ARHGEF18: variants seen among roughly 807,000 people sequenced by gnomAD.
ARHGEF18 encodes Rho/Rac guanine nucleotide exchange factor 18.
ARHGEF18 carries 93 observed loss-of-function variants against 155.7 expected under a neutral mutation model. The observed-to-expected ratio is 0.60, with a 90% confidence interval of 0.50 to 0.71. The LOEUF (loss-of-function observed/expected upper bound fraction) is 0.71. Ranked by LOEUF, ARHGEF18 falls within the 30% of genes least tolerant of loss-of-function variation. ARHGEF18 has a pLI of 0.00. For missense variants in ARHGEF18, 1,593 were observed against 1,816.1 expected (o/e 0.88, Z 2.23); for synonymous variants, 742 against 753.1 (o/e 0.99, Z 0.24).
intron 3 of ARHGEF18, among the ~76,000 whole-genome samples, chr19:7,375,350 AAGAAAAGGAAGG>A (rs1167453528): frequency 2.8e-5 from 4 of 143,288 alleles, no homozygotes; most frequent in Non-Finnish European, 5.9e-5. Flanking sequence ...AAGAAAAAGA[AAGAAAAGGAAGG>A]AAGGAAGGAA....
In ARHGEF18 at chr19:7,467,593, T is replaced by C. The variant is rs1600550959; in HGVS notation, c.3389T>C (p.Val1130Ala). 1.3e-6 allele frequency: 2 copies of C among 1,506,450 alleles called. No individual in the cohort carries two copies. The highest frequency in any genetic ancestry group is 2.6e-5 in the East Asian group (1 of 38,086). The allele number at this position is 1,506,450 out of a possible 1,614,324, so 93.3% of individuals were successfully genotyped here. ...CGGCTGCGCGAGGCCCAGCGTGCCG[T>C]GGAGCGCGAGCGGGAGCGCCTGGAG... ...LERLREAQRAVERERERLELL... is the reference protein window; with the variant it reads ...LERLREAQRAAERERERLELL... Residue 1130 changes from valine (V) to alanine (A), a missense_variant, in exon 26 of 29, where the codon GTG becomes GCG. Coordinates refer to ENST00000668164, the MANE Select transcript of ARHGEF18 (RefSeq NM_001367823.1).
At chr19:7,413,156 G>C (rs771254780) in intron 10 of ARHGEF18, among the ~76,000 whole-genome samples, 5 of 152,096 alleles carry the variant, frequency 3.3e-5, no homozygotes, top group Non-Finnish European at 7.4e-5. Flanking sequence ...TATGGGCTGG[G>C]TATGGTGGCT....
chr19:7,381,010 T>A lies in ARHGEF18; in HGVS notation c.722+16T>A. On this transcript the variant is annotated intron_variant, in intron 8 of 28. Transcript: ENST00000668164. ...TCCTGTCGGAGTAAGTACACAGATCTGCTTCTGGGGAGGGCAGCCTTGGAT... is the reference window on the plus strand; with the variant it reads ...TCCTGTCGGAGTAAGTACACAGATCAGCTTCTGGGGAGGGCAGCCTTGGAT... 8.1e-7 allele frequency: 1 copy of A among 1,231,886 alleles called. No individual in the cohort carries two copies. Among genetic ancestry groups the A allele is most frequent in the Non-Finnish European group, 1.0e-6 (1 of 987,740 alleles). The allele number at this position is 1,231,886 out of a possible 1,614,324, so 76.3% of individuals were successfully genotyped here.
At chr19:7,367,701 G>A (rs1395442176) in intron 2 of ARHGEF18, among the ~76,000 whole-genome samples, 1 of 141,122 alleles carries the variant, frequency 7.1e-6, no homozygotes, top group African/African-American at 2.7e-5. Flanking sequence ...AGCCAAGATC[G>A]CACCATTGCA....
chr19:7,433,507 C>CAAAAAAAAAAAAA (rs35825715), intron 10 of ARHGEF18, among the ~76,000 whole-genome samples: 1 of 58,286 alleles, frequency 1.7e-5, no homozygotes, highest in Non-Finnish European at 3.0e-5. Flanking sequence ...ACTCCGTCTC[C>CAAAAAAAAAAAAA]AAAAAAAAAA....
chr19:7,368,361 G>C (rs1970038701), intron 2 of ARHGEF18, among the ~76,000 whole-genome samples: 1 of 152,088 alleles, frequency 6.6e-6, no homozygotes, highest in Non-Finnish European at 1.5e-5. Flanking sequence ...TCCTCTTTGG[G>C]GTGTCAGGGC....
At chr19:7,457,799 G>A (rs1035495393) in intron 18 of ARHGEF18, among the ~76,000 whole-genome samples, 4 of 152,128 alleles carry the variant, frequency 2.6e-5, no homozygotes, top group Non-Finnish European at 4.4e-5. Flanking sequence ...TTGCTGGTCT[G>A]TGGAAGCATT....
intron 18 of ARHGEF18, among the ~76,000 whole-genome samples, chr19:7,457,958 T>TA (rs1174140592): frequency 6.6e-6 from 1 of 151,776 alleles, no homozygotes; most frequent in East Asian, 1.9e-4. Flanking sequence ...GCCGACTATT[T>TA]AAAAAAAAAT....
chr19:7,465,933 A>C (rs1178577135), intron 23 of ARHGEF18, among the ~76,000 whole-genome samples: 2 of 152,028 alleles, frequency 1.3e-5, no homozygotes, highest in African/African-American at 4.8e-5. Flanking sequence ...AAAATATAAA[A>C]ATTAGCTGGA....
At chr19:7,361,622 C>T (rs1041107448) in intron 1 of ARHGEF18, among the ~76,000 whole-genome samples, 7 of 152,086 alleles carry the variant, frequency 4.6e-5, no homozygotes, top group East Asian at 1.9e-4. Context: ...GAAAACGACC[C>T]AAATGTCCAT....
At chr19:7,421,280 G>A (rs371580643) in intron 10 of ARHGEF18, among the ~76,000 whole-genome samples, 2 of 152,136 alleles carry the variant, frequency 1.3e-5, no homozygotes, top group Non-Finnish European at 2.9e-5. Flanking sequence ...ACACACAGAC[G>A]TTTTTCAGTC....
chr19:7,384,433 G>A (rs953427170), intron 10 of ARHGEF18, among the ~76,000 whole-genome samples: 24 of 152,166 alleles, frequency 1.6e-4, no homozygotes, highest in Non-Finnish European at 8.8e-5. Context: ...CTCCACCCCC[G>A]GGGCAAGTGC....
intron 17 of ARHGEF18, among the ~76,000 whole-genome samples, chr19:7,455,823 G>A (rs1975790462): frequency 6.6e-6 from 1 of 151,686 alleles, no homozygotes; most frequent in Admixed American, 6.5e-5. Context: ...CAAAGAGAGA[G>A]GGAGCTTGTG....
chr19:7,408,806 C>G (rs1972490518), intron 10 of ARHGEF18, among the ~76,000 whole-genome samples: 2 of 152,200 alleles, frequency 1.3e-5, no homozygotes, highest in South Asian at 4.1e-4. Flanking sequence ...CTTTGGGAGG[C>G]TAAGGCGGGA....
At chr19:7,474,754 A>T (rs991418267), downstream of ARHGEF18, among the ~76,000 whole-genome samples, 12 of 142,034 alleles carry the variant, frequency 8.4e-5, no homozygotes, top group African/African-American at 2.7e-4. Flanking sequence ...TGGGCATTGG[A>T]GTGTGTGTGT....
At chr19:7,448,477 T>C (rs566002841) in intron 15 of ARHGEF18, among the ~76,000 whole-genome samples, 23 of 152,194 alleles carry the variant, frequency 1.5e-4, no homozygotes, top group East Asian at 7.7e-4. Context: ...CTGGCTAACA[T>C]GGTGAAACCT....
rs1047819568 is a variant in ARHGEF18, at chr19:7,467,133, T to G, written c.3009+15T>G. 1.9e-6 allele frequency: 3 copies of G among 1,591,402 alleles called. No individual in the cohort carries two copies. Among genetic ancestry groups the G allele is most frequent in the Non-Finnish European group, 1.7e-6 (2 of 1,164,836 alleles). ...TGAACCTTCAGGTACAGGGGCGGGG[T>G]GGGGCCGGCCACGCGTGCCCTTTCC... On this transcript the variant is annotated intron_variant, in intron 25 of 28. Coordinates refer to ENST00000668164, the MANE Select transcript of ARHGEF18 (RefSeq NM_001367823.1).
At chr19:7,407,767 C>A (rs893458281) in intron 10 of ARHGEF18, among the ~76,000 whole-genome samples, 1 of 151,918 alleles carries the variant, frequency 6.6e-6, no homozygotes, top group African/African-American at 2.4e-5. Context: ...TTAAGACCAT[C>A]TTGACTAAAA....
intron 1 of ARHGEF18, among the ~76,000 whole-genome samples, chr19:7,355,344 A>G (rs1326539966): frequency 1.3e-5 from 2 of 152,026 alleles, no homozygotes. Flanking sequence ...CCCAGTTTGT[A>G]CTTGTATTTC....
Sources: gnomAD v4.1 joint callset for allele counts (sites outside exome capture counted in the v4.1 genomes callset) on GRCh38, gnomAD v4.1.1 for gene constraint, MANE v1.5 for transcripts, NCBI Gene and HGNC (gene_info 2026-07-23, HGNC 2026-07-21) for gene names.